The following ARHGAP26 variants were observed in gnomAD, a reference collection of about 807,000 sequenced individuals.
The protein encoded by ARHGAP26 is rho GTPase-activating protein 26.
Under a neutral mutation model 104.8 loss-of-function variants are expected in ARHGAP26, and 38 were observed. The ratio of observed to expected loss-of-function variants is 0.36; its 90% CI spans 0.28 to 0.48. The LOEUF is 0.48. ARHGAP26 is among the 20% of genes least tolerant of loss of function. The pLI, the probability that ARHGAP26 is intolerant of heterozygous loss-of-function variation, is 0.99. For missense variants in ARHGAP26, 704 were observed against 947.9 expected (o/e 0.74, Z 3.38); for synonymous variants, 341 against 340.0 (o/e 1.00, Z -0.03).
chr5:143,020,739 C>T (rs1316427018), intron 12 of ARHGAP26, among the ~76,000 whole-genome samples: 3 of 150,878 alleles, frequency 2.0e-5, no homozygotes, highest in Non-Finnish European at 4.4e-5. Context: ...CCCGGGTTCA[C>T]GCCATTCTCC....
In ARHGAP26 at chr5:143,226,821, T is replaced by C. The variant is rs1304014229; in HGVS notation, c.*4375T>C. The stretch of plus-strand genomic sequence containing the variant: ...AGAGAAAGAATGAACAATCAAGTAT[T>C]GACAGACTGGCATTAGCAGGACAGA... On this transcript the variant is annotated 3_prime_UTR_variant, in exon 23 of 23. Coordinates refer to ENST00000645722, the MANE Select transcript of ARHGAP26 (RefSeq NM_001135608.3). 2 of 224,464 alleles carry C rather than the reference T, an allele frequency of 8.9e-6. No homozygotes were observed. The highest frequency in any genetic ancestry group is 1.8e-5 in the Non-Finnish European group (2 of 112,600). 13.9% of individuals were successfully genotyped at this position (224,464 alleles called of 1,614,324 possible).
chr5:142,877,894 T>A (rs1756361798), intron 3 of ARHGAP26, among the ~76,000 whole-genome samples: 1 of 152,214 alleles, frequency 6.6e-6, no homozygotes, highest in African/African-American at 2.4e-5. Context: ...CTTCAGAGAC[T>A]TGCAGATGGT....
chr5:142,775,945 C>T (rs1015881712), intron 1 of ARHGAP26, among the ~76,000 whole-genome samples: 2 of 152,086 alleles, frequency 1.3e-5, no homozygotes, highest in Admixed American at 1.3e-4. Flanking sequence ...TCAGTATGAT[C>T]ACTAACACTT....
intron 1 of ARHGAP26, among the ~76,000 whole-genome samples, chr5:142,786,493 C>T (rs1758654337): frequency 6.6e-6 from 1 of 151,834 alleles, no homozygotes; most frequent in Admixed American, 6.6e-5. Context: ...GAGATAGGAT[C>T]TTGCTGTGTT....
At chr5:143,108,788 C>G (rs1034639883) in intron 17 of ARHGAP26, among the ~76,000 whole-genome samples, 6 of 152,284 alleles carry the variant, frequency 3.9e-5, no homozygotes, top group South Asian at 4.1e-4. Flanking sequence ...TCCCATGAAC[C>G]CTTCTGTGGA....
intron 20 of ARHGAP26, among the ~76,000 whole-genome samples, chr5:143,191,260 TTTA>T (rs1487431413): frequency 6.6e-6 from 1 of 152,224 alleles, no homozygotes; most frequent in Non-Finnish European, 1.5e-5. Context: ...TGTTGTTGTT[TTTA>T]TTATTCTGTA....
At chr5:143,218,643 ATGTCCCCAGC>A (rs1810708902) in intron 22 of ARHGAP26, among the ~76,000 whole-genome samples, 2 of 152,194 alleles carry the variant, frequency 1.3e-5, no homozygotes, top group African/African-American at 4.8e-5. Context: ...AAGCTCACCC[ATGTCCCCAGC>A]AGCTTATATT....
intron 12 of ARHGAP26, among the ~76,000 whole-genome samples, chr5:143,014,905 TG>T (rs1779375433): frequency 2.6e-5 from 4 of 152,210 alleles, no homozygotes; most frequent in Non-Finnish European, 5.9e-5. Context: ...ATTTAAAGGT[TG>T]CCCTACTGTG....
At chr5:143,093,656 C>CCT (rs766383973) in intron 17 of ARHGAP26, among the ~76,000 whole-genome samples, 1 of 150,566 alleles carries the variant, frequency 6.6e-6, no homozygotes, top group Non-Finnish European at 1.5e-5. Context: ...CTCTTTCTTT[C>CCT]CTCTCTCTCT....
At chr5:142,995,809 A>G (rs1174752194) in intron 11 of ARHGAP26, among the ~76,000 whole-genome samples, 1 of 152,264 alleles carries the variant, frequency 6.6e-6, no homozygotes, top group African/African-American at 2.4e-5. Flanking sequence ...TGGCACATAT[A>G]CACCATGGAA....
chr5:143,027,195 G>A (rs1781178298), intron 12 of ARHGAP26, among the ~76,000 whole-genome samples: 1 of 146,804 alleles, frequency 6.8e-6, no homozygotes, highest in Non-Finnish European at 1.5e-5. Flanking sequence ...TTTTTGAGAT[G>A]GAGTCTTACC....
At chr5:143,038,399 T>A (rs1376946303) in intron 13 of ARHGAP26, among the ~76,000 whole-genome samples, 1 of 152,218 alleles carries the variant, frequency 6.6e-6, no homozygotes, top group African/African-American at 2.4e-5. Context: ...ATTTCCCCTG[T>A]ACCTCTCTTA....
chr5:143,049,646 G>A (rs1243428931), intron 14 of ARHGAP26, among the ~76,000 whole-genome samples: 1 of 152,108 alleles, frequency 6.6e-6, no homozygotes, highest in Non-Finnish European at 1.5e-5. Flanking sequence ...GCTCACTGTG[G>A]ATAGATTCTC....
chr5:142,950,977 C>G (rs1023464068), intron 11 of ARHGAP26, among the ~76,000 whole-genome samples: 3 of 151,144 alleles, frequency 2.0e-5, no homozygotes, highest in African/African-American at 4.9e-5. Flanking sequence ...TCCTCTTTCC[C>G]TTTCCCTTCC....
chr5:143,152,170 T>C (rs139739056), intron 20 of ARHGAP26, among the ~76,000 whole-genome samples: 30 of 152,304 alleles, frequency 2.0e-4, no homozygotes, highest in Non-Finnish European at 3.8e-4. Context: ...CAAGACATTA[T>C]GCATTTGTCA....
intron 19 of ARHGAP26, among the ~76,000 whole-genome samples, chr5:143,142,677 A>G (rs973601461): frequency 1.3e-5 from 2 of 152,166 alleles, no homozygotes; most frequent in Non-Finnish European, 2.9e-5. Context: ...TACAGGGGGT[A>G]AAAATTGCTT....
chr5:143,054,628 T>A, intron 15 of ARHGAP26, 102 bp downstream of exon 15: 1 of 794,846 alleles, frequency 1.3e-6, no homozygotes, highest in South Asian at 1.8e-5. Flanking sequence ...CGGGTGGGTG[T>A]TTGAGATGTG....
At chr5:142,866,583 A>G (rs1284141550) in intron 1 of ARHGAP26, among the ~76,000 whole-genome samples, 1 of 152,228 alleles carries the variant, frequency 6.6e-6, no homozygotes, top group Non-Finnish European at 1.5e-5. Flanking sequence ...TTTCATCTAA[A>G]TAGAATTAGA....
chr5:142,885,760 C>CCTTTTGACTCTTTACCTTT (rs1757612200), intron 5 of ARHGAP26, among the ~76,000 whole-genome samples: 1 of 152,214 alleles, frequency 6.6e-6, no homozygotes, highest in Admixed American at 6.5e-5. Context: ...TTTTGACTTC[C>CCTTTTGACTCTTTACCTTT]TGCCTCTTAT....
Sources: allele counts gnomAD v4.1 joint callset (sites outside exome capture counted in the v4.1 genomes callset), GRCh38; gene constraint gnomAD v4.1.1; transcripts MANE v1.5; gene names NCBI Gene and HGNC (gene_info 2026-07-23, HGNC 2026-07-21).